Variants in SGCD observed in about 807,000 individuals in gnomAD.
SGCD encodes the protein delta-sarcoglycan.
Under a neutral mutation model 36.6 loss-of-function variants are expected in SGCD, and 18 were observed. That is an observed-to-expected ratio of 0.49 (90% CI 0.34 to 0.73). SGCD has a LOEUF of 0.73. Among genes scored for constraint, SGCD ranks in the 30% least tolerant of loss-of-function variants. The probability of loss-of-function intolerance (pLI) is 0.01; values close to 1 mark genes in which losing one functional copy is unlikely to be tolerated. For synonymous variants in SGCD, 133 were observed against 130.6 expected, an observed-to-expected ratio of 1.02 and a Z score of -0.12; for missense variants, 387 against 346.7, an observed-to-expected ratio of 1.12 and a Z score of -0.92.
At position 156,219,954 on chromosome 5, in the gene SGCD, A is replaced by G. The variant is rs1268838243; in HGVS notation, c.-44+95935A>G. 2.0e-5 allele frequency among the ~76,000 whole-genome samples: 3 copies of G among 152,310 alleles called. 1 individual carries two copies. Among genetic ancestry groups the G allele is most frequent in the East Asian group, 3.9e-4 (2 of 5,182 alleles). On this transcript the variant is annotated intron_variant, in intron 3 of 9. Transcript: ENST00000517913. Reference sequence around the variant, plus strand: ...TGCCAGTTCAGAATGTGATCTTTGCATTTAAGTTCTCAGGTATAAGGTTAC... The same window carrying G: ...TGCCAGTTCAGAATGTGATCTTTGCGTTTAAGTTCTCAGGTATAAGGTTAC...
intron 6 of SGCD, among the ~76,000 whole-genome samples, chr5:156,633,465 T>C (rs189397281): frequency 1.3e-5 from 2 of 152,302 alleles, no homozygotes; most frequent in African/African-American, 2.4e-5. Flanking sequence ...GTAACATGTT[T>C]AGCGGGGAGT....
chr5:156,233,934 G>GT (rs1765088866), intron 3 of SGCD, among the ~76,000 whole-genome samples: 1 of 151,998 alleles, frequency 6.6e-6, no homozygotes. Context: ...GAAATGTGTT[G>GT]TTTTTTCTCA....
chr5:156,080,739 C>T (rs1256449409), intron 1 of SGCD, among the ~76,000 whole-genome samples: 2 of 152,202 alleles, frequency 1.3e-5, no homozygotes, highest in African/African-American at 2.4e-5. Context: ...ATAAGTTCCT[C>T]ATTTCCATCT....
intron 1 of SGCD, among the ~76,000 whole-genome samples, chr5:156,057,796 A>G (rs967910746): frequency 6.8e-6 from 1 of 146,562 alleles, no homozygotes. Flanking sequence ...ATTGGAAAAC[A>G]TCAGATATGT....
intron 1 of SGCD, among the ~76,000 whole-genome samples, chr5:156,012,895 C>T (rs1758889650): frequency 6.7e-6 from 1 of 149,878 alleles, no homozygotes; most frequent in African/African-American, 2.5e-5. Flanking sequence ...CGTGAGCCAC[C>T]GCGCCCAGCC....
At chr5:155,816,672 G>T in the SGCD span, among the ~76,000 whole-genome samples, 1 of 152,124 alleles carries the variant, frequency 6.6e-6, no homozygotes, top group Non-Finnish European at 1.5e-5. Flanking sequence ...GAGCTTCCTA[G>T]AGGGGGTGAG....
intron 1 of SGCD, among the ~76,000 whole-genome samples, chr5:156,073,211 A>G (rs977021912): frequency 6.6e-6 from 1 of 152,160 alleles, no homozygotes; most frequent in Non-Finnish European, 1.5e-5. Flanking sequence ...GAGTAGATGC[A>G]AAGTTAGGAC....
At chr5:156,334,518 C>T (rs1178615191) in intron 2 of SGCD, among the ~76,000 whole-genome samples, 1 of 151,786 alleles carries the variant, frequency 6.6e-6, no homozygotes, top group Non-Finnish European at 1.5e-5. Context: ...CTTTGTTCAA[C>T]TATAGCCTTT....
the SGCD span, among the ~76,000 whole-genome samples, chr5:155,791,549 A>C: frequency 6.6e-6 from 1 of 152,194 alleles, no homozygotes; most frequent in Non-Finnish European, 1.5e-5. Flanking sequence ...CTGATACATG[A>C]ATTCAGTAAC....
intron 7 of SGCD, among the ~76,000 whole-genome samples, chr5:156,742,671 G>C (rs1756745456): frequency 1.3e-5 from 2 of 152,194 alleles, no homozygotes; most frequent in Admixed American, 6.5e-5. Context: ...ATGATCTGCT[G>C]TCTGCAAGCT....
At chr5:156,376,817 T>C (rs1038783578) in intron 3 of SGCD, among the ~76,000 whole-genome samples, 8 of 152,176 alleles carry the variant, frequency 5.3e-5, no homozygotes, top group African/African-American at 1.9e-4. Flanking sequence ...CCCAAGGTGC[T>C]CTCTATTAAA....
intron 3 of SGCD, among the ~76,000 whole-genome samples, chr5:156,153,883 T>C (rs965504472): frequency 4.0e-5 from 6 of 151,634 alleles, no homozygotes; most frequent in African/African-American, 1.5e-4. Context: ...TACAGCCAAA[T>C]TTGAGAATGA....
chr5:156,665,453 G>C (rs925489022), intron 7 of SGCD, among the ~76,000 whole-genome samples: 1 of 152,192 alleles, frequency 6.6e-6, no homozygotes, highest in African/African-American at 2.4e-5. Flanking sequence ...CAGCTTCCAG[G>C]GGCATCAGAA....
Position 156,589,316 on chromosome 5 carries a change from C to G in SGCD, c.380C>G (p.Thr127Arg). 1.3e-6 allele frequency: 2 copies of G among 1,554,596 alleles called. No homozygotes were observed. The highest frequency in any genetic ancestry group is 1.7e-6 in the Non-Finnish European group (2 of 1,143,452). The change falls in exon 5 of 9, where the codon ACA becomes AGA. Residue 127 changes from threonine to arginine, a missense_variant and splice_region_variant. Coordinates refer to ENST00000337851, the MANE Select transcript of SGCD (RefSeq NM_000337.6). Reference protein sequence around the residue: ...DQTKVLTQLITGPKAVEAYGK... With the variant: ...DQTKVLTQLIRGPKAVEAYGK... ...ACTAAAGTGCTAACTCAGCTTATAA[C>G]AGGTAAGAAAAGGGAGAACTTAACA...
At chr5:156,215,157 C>G (rs1044602102) in intron 3 of SGCD, among the ~76,000 whole-genome samples, 1 of 151,910 alleles carries the variant, frequency 6.6e-6, no homozygotes, top group Non-Finnish European at 1.5e-5. Context: ...GCAAATATTT[C>G]CAAATGAAAA....
At chr5:156,195,154 G>T in intron 3 of SGCD, among the ~76,000 whole-genome samples, 1 of 152,132 alleles carries the variant, frequency 6.6e-6, no homozygotes, top group Admixed American at 6.6e-5. Flanking sequence ...TTAACTAGTT[G>T]ATTAATATCT....
chr5:156,410,811 C>T (rs1419050537), intron 3 of SGCD, among the ~76,000 whole-genome samples: 1 of 152,074 alleles, frequency 6.6e-6, no homozygotes, highest in Non-Finnish European at 1.5e-5. Flanking sequence ...ATGAAAGGGG[C>T]CTCATTTTTC....
At chr5:156,528,801 T>C (rs1033268833) in intron 4 of SGCD, among the ~76,000 whole-genome samples, 1 of 152,174 alleles carries the variant, frequency 6.6e-6, no homozygotes, top group Non-Finnish European at 1.5e-5. Flanking sequence ...CTGTGTGTTA[T>C]AGATAGGACA....
At chr5:155,926,086 G>A (rs911163565) in intron 1 of SGCD, among the ~76,000 whole-genome samples, 4 of 152,056 alleles carry the variant, frequency 2.6e-5, no homozygotes, top group East Asian at 1.9e-4. Context: ...TGCTTGTGAG[G>A]ATATCAGTCA....
Sources: gnomAD v4.1 joint callset for allele counts (sites outside exome capture counted in the v4.1 genomes callset) on GRCh38, gnomAD v4.1.1 for gene constraint, MANE v1.5 for transcripts, NCBI Gene and HGNC (gene_info 2026-07-23, HGNC 2026-07-21) for gene names.